ZWILCH: variants seen among roughly 807,000 people sequenced by gnomAD.
The protein encoded by ZWILCH is zwilch kinetochore protein, also known as protein zwilch homolog.
ZWILCH carries 74 observed loss-of-function variants against 79.9 expected under a neutral mutation model. That is an observed-to-expected ratio of 0.93 (90% CI 0.77 to 1.12). The LOEUF (loss-of-function observed/expected upper bound fraction) is 1.12. Among genes scored for constraint, ZWILCH ranks in the 50% most tolerant of loss-of-function variants. ZWILCH has a pLI of 0.00. For synonymous variants in ZWILCH, 241 were observed against 228.2 expected (o/e 1.06, Z -0.51); for missense variants, 694 against 687.5 (o/e 1.01, Z -0.11).
In ZWILCH at chr15:66,507,201, G is replaced by GT. The variant is rs200437146; in HGVS notation, c.54-1634dup. On this transcript the variant is annotated intron_variant, in intron 1 of 18. Transcript: ENST00000307897. ...TACTTCACATAGAAAGTATAACACT[G>GT]TTTTTTCCCCCACTACTGGGAATTT... 5.8e-3 allele frequency among the ~76,000 whole-genome samples: 881 copies of GT among 152,224 alleles called. 8 individuals carry two copies. The highest frequency in any genetic ancestry group is 0.02 in the African/African-American group (844 of 41,540).
At position 66,520,635 on chromosome 15, in the gene ZWILCH, A is replaced by C. The variant is rs762313169; in HGVS notation, c.566A>C (p.His189Pro). 3 of 1,555,400 alleles carry C rather than the reference A, an allele frequency of 1.9e-6. No homozygotes were observed. The Admixed American group carries it at 5.2e-5, about 27-fold the overall frequency. ...AATCTTGAAAACCTAAAAAATTTAC[A>C]CAAGAAAAGACATCACTTGTCTACT... Reference protein sequence around the residue: ...SVNLENLKNLHKKRHHLSTVT... With the variant: ...SVNLENLKNLPKKRHHLSTVT... The change falls in exon 6 of 19, where the codon CAC becomes CCC. Residue 189 changes from histidine to proline, a missense_variant. Physicochemically the swap from His to Pro is moderately conservative, Grantham distance 77. Coordinates refer to ENST00000307897, the MANE Select transcript of ZWILCH (RefSeq NM_017975.5).
chr15:66,518,454 G>C (rs1262200746), intron 4 of ZWILCH, among the ~76,000 whole-genome samples: 1 of 151,886 alleles, frequency 6.6e-6, no homozygotes, highest in Non-Finnish European at 1.5e-5. Context: ...CTAATTTTTT[G>C]TATTTTTAGT....
rs1168714929 is a variant in ZWILCH at position 66,521,030 on chromosome 15, G to C, written c.592-20G>C. On this transcript the variant is annotated intron_variant, in intron 6 of 18. Transcript: ENST00000307897. ...ATGTGGAAGCACAGCTAAATGATCT[G>C]CTGGGTACACTCTTTTCAGGTAACA... 6.2e-7 allele frequency: 1 copy of C among 1,612,858 alleles called. No individual in the cohort carries two copies. The highest frequency in any genetic ancestry group is 8.5e-7 in the Non-Finnish European group (1 of 1,179,286).
intron 2 of ZWILCH, among the ~76,000 whole-genome samples, chr15:66,509,808 T>A: frequency 7.1e-6 from 1 of 140,452 alleles, no homozygotes; most frequent in Non-Finnish European, 1.5e-5. Context: ...TATAATTATG[T>A]GTGTGTGTGG....
chr15:66,509,494 T>C (rs1893949037), intron 2 of ZWILCH, among the ~76,000 whole-genome samples: 1 of 152,172 alleles, frequency 6.6e-6, no homozygotes, highest in Non-Finnish European at 1.5e-5. Context: ...TTGTTGTGAG[T>C]ATCAACAATT....
chr15:66,514,882 CA>C (rs1894197993), intron 3 of ZWILCH, among the ~76,000 whole-genome samples: 1 of 152,156 alleles, frequency 6.6e-6, no homozygotes, highest in Non-Finnish European at 1.5e-5. Flanking sequence ...GTGAAAAATC[CA>C]AGAACGTCTG....
At chr15:66,524,860 G>T (rs950308069) in intron 8 of ZWILCH, among the ~76,000 whole-genome samples, 2 of 151,746 alleles carry the variant, frequency 1.3e-5, no homozygotes, top group African/African-American at 4.9e-5. Flanking sequence ...CCCTTACTGC[G>T]GGCCTCCATC....
At chr15:66,535,842 C>A in intron 14 of ZWILCH, 91 bp from the exon 15 acceptor site, 1 of 1,089,324 alleles carries the variant, frequency 9.2e-7, no homozygotes, top group Non-Finnish European at 1.3e-6. Context: ...ATCAAGCATC[C>A]AAATGTAGGT....
In ZWILCH at chr15:66,548,679, G is replaced by T; in HGVS notation, c.*355G>T. 1.4e-6 allele frequency: 1 copy of T among 709,460 alleles called. No homozygotes were observed. Among genetic ancestry groups the T allele is most frequent in the Non-Finnish European group, 2.4e-6 (1 of 409,392 alleles). The allele number at this position is 709,460 out of a possible 1,614,324, so 43.9% of individuals were successfully genotyped here. On this transcript the variant is annotated 3_prime_UTR_variant, in exon 19 of 19. Coordinates refer to ENST00000307897, the MANE Select transcript of ZWILCH (RefSeq NM_017975.5). ...TAGTAAATACAGCTTTATCCCAAAA[G>T]CTTTAACTGTATTGGGAAAACTTAA...
At chr15:66,507,654 A>G (rs1355093157) in intron 1 of ZWILCH, among the ~76,000 whole-genome samples, 2 of 152,224 alleles carry the variant, frequency 1.3e-5, no homozygotes, top group African/African-American at 2.4e-5. Flanking sequence ...ACCAGGGACT[A>G]TGCTTTTGTT....
intron 4 of ZWILCH, among the ~76,000 whole-genome samples, chr15:66,517,819 G>T (rs553472209): frequency 2.5e-4 from 30 of 121,868 alleles, no homozygotes; most frequent in African/African-American, 8.8e-4. Context: ...AGCAACCTTT[G>T]CCTCCTGGGT....
chr15:66,505,942 T>G (rs879148171), intron 1 of ZWILCH, among the ~76,000 whole-genome samples: 1 of 152,228 alleles, frequency 6.6e-6, no homozygotes, highest in Admixed American at 6.5e-5. Context: ...AAGTTCTGCA[T>G]CCTATGTAAA....
intron 13 of ZWILCH, among the ~76,000 whole-genome samples, chr15:66,532,671 A>T (rs1036469850): frequency 2.6e-5 from 4 of 152,004 alleles, no homozygotes; most frequent in African/African-American, 4.8e-5. Context: ...TATTTTAAAT[A>T]AAAAAATCCT....
At chr15:66,516,469 C>G (rs1164677059) in intron 4 of ZWILCH, among the ~76,000 whole-genome samples, 1 of 152,062 alleles carries the variant, frequency 6.6e-6, no homozygotes, top group Non-Finnish European at 1.5e-5. Context: ...ATTATATCTT[C>G]ATGCTGGTTT....
intron 15 of ZWILCH, among the ~76,000 whole-genome samples, chr15:66,536,673 A>G (rs974047555): frequency 1.3e-5 from 2 of 150,216 alleles, no homozygotes; most frequent in African/African-American, 4.9e-5. Context: ...CAAAATTACA[A>G]TTTGCCTCAG....
chr15:66,533,456 G>A (rs2140792131), intron 14 of ZWILCH, among the ~76,000 whole-genome samples: 1 of 152,060 alleles, frequency 6.6e-6, no homozygotes, highest in East Asian at 1.9e-4. Flanking sequence ...TATTTTCCTA[G>A]CCCATTCAGA....
intron 4 of ZWILCH, among the ~76,000 whole-genome samples, chr15:66,516,348 C>T (rs1315794131): frequency 6.6e-6 from 1 of 152,218 alleles, no homozygotes; most frequent in Non-Finnish European, 1.5e-5. Flanking sequence ...CAGCCTCCTC[C>T]TGCCTCCAAA....
chr15:66,508,683 T>C, intron 1 of ZWILCH, 158 bp from the exon 2 acceptor site: 1 of 1,363,030 alleles, frequency 7.3e-7, no homozygotes, highest in Non-Finnish European at 9.5e-7. Context: ...TTCTGCTTTT[T>C]TTCTCTCTCT....
At chr15:66,523,367 C>A (rs1894567846) in intron 7 of ZWILCH, 1 of 238,112 alleles carries the variant, frequency 4.2e-6, no homozygotes. Flanking sequence ...ATTTCTCCTA[C>A]CTTGTCCTCC....
Sources: allele counts gnomAD v4.1 joint callset (sites outside exome capture counted in the v4.1 genomes callset), GRCh38; gene constraint gnomAD v4.1.1; transcripts MANE v1.5; gene names NCBI Gene and HGNC (gene_info 2026-07-23, HGNC 2026-07-21).